The following TMIGD3 variants were observed in gnomAD, a reference collection of about 807,000 sequenced individuals.
TMIGD3 encodes transmembrane and immunoglobulin domain containing 3, also known as AD026 protein (AD026).
In TMIGD3, 21 loss-of-function variants were observed where a neutral mutation model predicts 28.1. The ratio of observed to expected loss-of-function variants is 0.75; its 90% CI spans 0.53 to 1.08. TMIGD3 has a LOEUF of 1.08. TMIGD3 is among the 50% of genes least tolerant of loss of function. The probability of loss-of-function intolerance (pLI) is 0.00; values close to 1 mark genes in which losing one functional copy is unlikely to be tolerated. For synonymous variants in TMIGD3, 151 were observed against 162.1 expected, an observed-to-expected ratio of 0.93 and a Z score of 0.52; for missense variants, 416 against 435.6, an observed-to-expected ratio of 0.96 and a Z score of 0.40.
intron 1 of TMIGD3, among the ~76,000 whole-genome samples, chr1:111,549,705 T>C (rs997602198): frequency 1.3e-4 from 20 of 150,890 alleles, no homozygotes; most frequent in Non-Finnish European, 2.5e-4. Context: ...CTGGAATGCA[T>C]TGGACAAATC....
chr1:111,500,514 C>G, intron 1 of TMIGD3: 1 of 1,614,180 alleles, frequency 6.2e-7, no homozygotes, highest in South Asian at 1.1e-5. Context: ...AGCAAAGGCC[C>G]AGGGCCAGCC....
intron 1 of TMIGD3, among the ~76,000 whole-genome samples, chr1:111,510,117 G>A (rs1200846756): frequency 6.6e-6 from 1 of 152,174 alleles, no homozygotes; most frequent in Non-Finnish European, 1.5e-5. Flanking sequence ...TGCATTCTGT[G>A]TCAATTGTCT....
intron 1 of TMIGD3, among the ~76,000 whole-genome samples, chr1:111,494,817 G>A (rs984886855): frequency 5.3e-5 from 8 of 152,144 alleles, no homozygotes; most frequent in Non-Finnish European, 1.2e-4. Flanking sequence ...CAATGGAATA[G>A]AATGGAGAAC....
At chr1:111,493,403 C>A (rs61788177) in intron 1 of TMIGD3, among the ~76,000 whole-genome samples, 1,749 of 152,222 alleles carry the variant, frequency 0.011, 15 homozygotes, top group Non-Finnish European at 0.018. Context: ...GCTTCCCTTG[C>A]GTTCATCATG....
At chr1:111,500,008 C>A (rs750730029) in intron 1 of TMIGD3, 16 of 1,614,206 alleles carry the variant, frequency 9.9e-6, no homozygotes, top group Non-Finnish European at 1.4e-5. Flanking sequence ...GCAGACCACA[C>A]AAGCTTTGAG....
At chr1:111,489,909 T>G (rs1302092724) in intron 2 of TMIGD3, among the ~76,000 whole-genome samples, 1 of 152,124 alleles carries the variant, frequency 6.6e-6, no homozygotes, top group African/African-American at 2.4e-5. Flanking sequence ...GCAGGGAAAG[T>G]GTCTGACCAA....
At chr1:111,542,201 A>G (rs984670907) in intron 1 of TMIGD3, 3 of 552,458 alleles carry the variant, frequency 5.4e-6, no homozygotes, top group African/African-American at 3.8e-5. Flanking sequence ...CGTTTAGACC[A>G]GCTTAATGAA....
At chr1:111,518,373 G>A (rs1655935685) in intron 1 of TMIGD3, among the ~76,000 whole-genome samples, 1 of 152,208 alleles carries the variant, frequency 6.6e-6, no homozygotes, top group Non-Finnish European at 1.5e-5. Context: ...ATTGTGGACT[G>A]GATAACTCTT....
At chr1:111,546,403 A>G (rs566287394) in intron 1 of TMIGD3, among the ~76,000 whole-genome samples, 1 of 152,214 alleles carries the variant, frequency 6.6e-6, no homozygotes, top group African/African-American at 2.4e-5. Context: ...CTCCATACCC[A>G]TTAAACAGTA....
intron 1 of TMIGD3, among the ~76,000 whole-genome samples, chr1:111,496,972 G>A (rs1355550803): frequency 9.2e-5 from 14 of 152,046 alleles, no homozygotes; most frequent in Non-Finnish European, 8.8e-5. Context: ...TGGAGGAAAG[G>A]GAGGAAGCAA....
At chr1:111,489,579 A>G in intron 2 of TMIGD3, 1 of 1,090,408 alleles carries the variant, frequency 9.2e-7, no homozygotes, top group Non-Finnish European at 1.1e-6. Context: ...ACTCTGGAGA[A>G]GTCCTTTTCC....
chr1:111,530,724 T>G (rs1656431256), intron 1 of TMIGD3, among the ~76,000 whole-genome samples: 2 of 152,248 alleles, frequency 1.3e-5, no homozygotes, highest in African/African-American at 4.8e-5. Context: ...TAGGGGTTTT[T>G]TTTCTGAATG....
chr1:111,511,220 C>CGCTA (rs761124438), intron 1 of TMIGD3, among the ~76,000 whole-genome samples: 4 of 152,276 alleles, frequency 2.6e-5, no homozygotes, highest in South Asian at 4.1e-4. Context: ...CTGCTTCTCC[C>CGCTA]GCTAGCTGGT....
intron 1 of TMIGD3, among the ~76,000 whole-genome samples, chr1:111,536,257 A>G (rs976826215): frequency 7.9e-5 from 12 of 151,900 alleles, no homozygotes; most frequent in Admixed American, 5.9e-4. Flanking sequence ...GAGAAAAAAA[A>G]CACTGATATC....
chr1:111,491,959 G>T (rs567555833), intron 1 of TMIGD3, among the ~76,000 whole-genome samples: 149 of 152,276 alleles, frequency 9.8e-4, no homozygotes, highest in African/African-American at 3.3e-3. Flanking sequence ...ACTGAATCAG[G>T]ACTGGCCTGT....
intron 1 of TMIGD3, among the ~76,000 whole-genome samples, chr1:111,536,172 T>C (rs968996965): frequency 1.3e-5 from 2 of 152,298 alleles, no homozygotes; most frequent in African/African-American, 4.8e-5. Flanking sequence ...ATACATTCGT[T>C]TTCTCTGCTC....
intron 5 of TMIGD3, 131 bp from the exon 6 acceptor site, chr1:111,483,888 G>A (rs1336504965): frequency 2.9e-6 from 2 of 697,636 alleles, no homozygotes; most frequent in African/African-American, 3.6e-5. Flanking sequence ...TTATTTTCAG[G>A]GCTGAGATCA....
chr1:111,506,516 C>T (rs543458175), upstream of TMIGD3, among the ~76,000 whole-genome samples: 31 of 152,320 alleles, frequency 2.0e-4, no homozygotes, highest in Non-Finnish European at 4.0e-4. Context: ...TAGGCAGTGG[C>T]GAAGCCAGCA....
chr1:111,499,927 A>G (rs1206914911), intron 1 of TMIGD3: 1 of 1,608,964 alleles, frequency 6.2e-7, no homozygotes, highest in African/African-American at 1.3e-5. Flanking sequence ...GGTCAATGAG[A>G]CAGAGTCATC....
Sources: allele counts gnomAD v4.1 joint callset (sites outside exome capture counted in the v4.1 genomes callset), GRCh38; gene constraint gnomAD v4.1.1; transcripts MANE v1.5; gene names NCBI Gene and HGNC (gene_info 2026-07-23, HGNC 2026-07-21).